Variants in HHLA1 observed in about 807,000 individuals in gnomAD.
The protein encoded by HHLA1 is HHLA1 neighbor of OC90.
Under a neutral mutation model 69.9 loss-of-function variants are expected in HHLA1, and 72 were observed. The observed-to-expected ratio is 1.03, with a 90% confidence interval of 0.85 to 1.25. The LOEUF (loss-of-function observed/expected upper bound fraction) is 1.25, where lower values mean the gene tolerates loss of function less well. Among genes scored for constraint, HHLA1 ranks in the 50% most tolerant of loss-of-function variants. The pLI is 0.00. For missense variants in HHLA1, 685 were observed against 642.2 expected (o/e 1.07, Z -0.72); for synonymous variants, 252 against 233.2 (o/e 1.08, Z -0.73).
chr8:132,100,376 G>A (rs7016175), intron 3 of HHLA1, among the ~76,000 whole-genome samples: 2,219 of 152,186 alleles, frequency 0.015, 19 homozygotes, highest in Non-Finnish European at 0.02. Context: ...TCTGATACAG[G>A]GGGTCTAATT....
At chr8:132,106,909 C>T (rs967276466) in intron 1 of HHLA1, among the ~76,000 whole-genome samples, 39 of 152,228 alleles carry the variant, frequency 2.6e-4, no homozygotes, top group African/African-American at 9.2e-4. Flanking sequence ...ACCTCAAGCA[C>T]TGCGCAAACA....
chr8:132,102,497 C>A (rs1321429044), intron 3 of HHLA1, among the ~76,000 whole-genome samples: 1 of 152,226 alleles, frequency 6.6e-6, no homozygotes, highest in East Asian at 1.9e-4. Context: ...GCAAATGCTG[C>A]CAACTAGCCA....
intron 10 of HHLA1, among the ~76,000 whole-genome samples, chr8:132,086,232 G>T (rs981536658): frequency 3.3e-5 from 5 of 152,156 alleles, no homozygotes; most frequent in Admixed American, 3.3e-4. Flanking sequence ...ACGATGACAG[G>T]CTCCTATTAG....
At chr8:132,100,551 A>T (rs891672974) in intron 3 of HHLA1, among the ~76,000 whole-genome samples, 17 of 152,234 alleles carry the variant, frequency 1.1e-4, no homozygotes, top group African/African-American at 3.9e-4. Flanking sequence ...AACAAATTTC[A>T]TGCGACCAAA....
chr8:132,102,961 T>C (rs1409071851), intron 3 of HHLA1, among the ~76,000 whole-genome samples: 3 of 152,162 alleles, frequency 2.0e-5, no homozygotes, highest in African/African-American at 4.8e-5. Flanking sequence ...TCAAATAAGT[T>C]CCCTGACAGA....
chr8:132,065,124 T>G (rs3779978), intron 16 of HHLA1, among the ~76,000 whole-genome samples: 21,377 of 151,846 alleles, frequency 0.14, 2,433 homozygotes, highest in East Asian at 0.35. Flanking sequence ...AAGTGAGAGA[T>G]AAAAAAAAGC....
At chr8:132,071,559 G>A in intron 14 of HHLA1, 66 bp from the exon 15 acceptor site, 1 of 1,452,278 alleles carries the variant, frequency 6.9e-7, no homozygotes, top group African/African-American at 1.4e-5. Flanking sequence ...TCTTCGTTAA[G>A]CCCTGCATCA....
intron 15 of HHLA1, among the ~76,000 whole-genome samples, chr8:132,067,428 A>G (rs1823460670): frequency 6.6e-6 from 1 of 152,180 alleles, no homozygotes; most frequent in Non-Finnish European, 1.5e-5. Flanking sequence ...GAAGCAATTG[A>G]TGAACACATC....
At chr8:132,105,584 A>C (rs757000037) in intron 1 of HHLA1, among the ~76,000 whole-genome samples, 1 of 152,152 alleles carries the variant, frequency 6.6e-6, no homozygotes, top group Non-Finnish European at 1.5e-5. Context: ...TCCATGTGGC[A>C]ACTGTAGCCT....
intron 1 of HHLA1, among the ~76,000 whole-genome samples, chr8:132,108,986 C>G (rs1030747077): frequency 2.0e-5 from 3 of 152,104 alleles, no homozygotes; most frequent in African/African-American, 7.2e-5. Context: ...GTCTGATGGC[C>G]CTTTTAGGGT....
intron 3 of HHLA1, 144 bp from the exon 4 acceptor site, chr8:132,100,278 C>A (rs1026070148): frequency 1.5e-6 from 1 of 658,092 alleles, no homozygotes; most frequent in Non-Finnish European, 2.7e-6. Flanking sequence ...AGATCACAGA[C>A]TCTTCTGCAT....
At position 132,063,855 on chromosome 8, in the gene HHLA1, A is replaced by T; in HGVS notation, c.*140T>A. ...AGAGGGAAAAAAAATGCTACTTCCA[A>T]GAATAACCACTTTAAATTAACTGAT... On this transcript the variant is annotated 3_prime_UTR_variant, in exon 17 of 17. Coordinates refer to ENST00000414222, the MANE Select transcript of HHLA1 (RefSeq NM_001145095.3). The T allele has an allele frequency of 3.3e-6, 1 of 303,296 alleles. No individual in the cohort carries two copies. The allele number at this position is 303,296 out of a possible 1,614,324, so 18.8% of individuals were successfully genotyped here.
intron 12 of HHLA1, 129 bp from the exon 13 acceptor site, chr8:132,076,672 A>C: frequency 1.9e-6 from 1 of 519,342 alleles, no homozygotes; most frequent in African/African-American, 2.0e-5. Context: ...GCAGGGCTTT[A>C]AGAAGCAGAG....
At chr8:132,082,751 A>G (rs1349519876) in intron 10 of HHLA1, among the ~76,000 whole-genome samples, 1 of 151,664 alleles carries the variant, frequency 6.6e-6, no homozygotes, top group Non-Finnish European at 1.5e-5. Context: ...GTTGTGGAGG[A>G]AGGTATTGAG....
chr8:132,096,302 CCT>C (rs1824025888), intron 5 of HHLA1, among the ~76,000 whole-genome samples: 1 of 152,188 alleles, frequency 6.6e-6, no homozygotes, highest in African/African-American at 2.4e-5. Context: ...GTCTCCTTTG[CCT>C]CTTTCTTGTA....
intron 8 of HHLA1, among the ~76,000 whole-genome samples, chr8:132,088,151 T>C (rs1288528458): frequency 6.6e-6 from 1 of 152,162 alleles, no homozygotes; most frequent in African/African-American, 2.4e-5. Flanking sequence ...CTCTGCCACT[T>C]ACTAGCTATG....
chr8:132,065,669 C>A (rs1823424456), intron 16 of HHLA1, among the ~76,000 whole-genome samples: 1 of 152,226 alleles, frequency 6.6e-6, no homozygotes. Context: ...CTTGGTCAGG[C>A]TGACTCCTGC....
At chr8:132,081,257 GT>G (rs1214044526) in intron 10 of HHLA1, among the ~76,000 whole-genome samples, 60 of 152,282 alleles carry the variant, frequency 3.9e-4, no homozygotes, top group African/African-American at 1.4e-3. Flanking sequence ...GGGATGACAA[GT>G]TTTTTGGGGC....
Position 132,077,727 on chromosome 8 carries a change from C to T in HHLA1, c.1170G>A (p.Leu390=), listed in dbSNP as rs577488768. The T allele has an allele frequency of 1.8e-4, 283 of 1,551,338 alleles. 1 individual carries two copies. In the East Asian group the frequency reaches 5.4e-3, roughly 30 times the overall value. ...PGSPSQASPT[L]GAFTHGTQTP... Reference sequence around the variant, plus strand: ...GTAGAAGTGAGCACCCTCTCTTACCCAAGGTAGGGCTGGCCTGGGATGGGC... The same window carrying T: ...GTAGAAGTGAGCACCCTCTCTTACCTAAGGTAGGGCTGGCCTGGGATGGGC... Residue 390 remains leucine, a splice_region_variant and synonymous_variant, in exon 12 of 17, where the codon TTG becomes TTA. Transcript: ENST00000414222.
Sources: allele counts gnomAD v4.1 joint callset (sites outside exome capture counted in the v4.1 genomes callset), GRCh38; gene constraint gnomAD v4.1.1; transcripts MANE v1.5; gene names NCBI Gene and HGNC (gene_info 2026-07-23, HGNC 2026-07-21).